The following SLC2A7 variants were observed in gnomAD, a reference collection of about 807,000 sequenced individuals.
SLC2A7 encodes the protein solute carrier family 2, facilitated glucose transporter member 7.
Under a neutral mutation model 50.5 loss-of-function variants are expected in SLC2A7, and 50 were observed. That is an observed-to-expected ratio of 0.99 (90% confidence interval 0.79 to 1.25). The LOEUF is 1.25. SLC2A7 is among the 50% of genes most tolerant of loss of function. The probability of loss-of-function intolerance (pLI) is 0.00; values close to 1 mark genes in which losing one functional copy is unlikely to be tolerated. For synonymous variants in SLC2A7, 308 were observed against 300.4 expected (o/e 1.03, Z -0.26); for missense variants, 683 against 679.1 (o/e 1.01, Z -0.06).
chr1:9,005,941 T>C (rs1157023559), intron 10 of SLC2A7, among the ~76,000 whole-genome samples: 2 of 152,180 alleles, frequency 1.3e-5, no homozygotes, highest in Admixed American at 1.3e-4. Flanking sequence ...TCCAGGGCCC[T>C]GACCCCAAAG....
Position 9,004,331 on chromosome 1 carries a change from T to TAAAAAAAAAAAAA in SLC2A7, c.1320+408_1320+420dup, listed in dbSNP as rs761127530. 3.3e-4 allele frequency among the ~76,000 whole-genome samples: 40 copies of TAAAAAAAAAAAAA among 119,844 alleles called. 2 individuals are homozygous for TAAAAAAAAAAAAA. The highest frequency in any genetic ancestry group is 1.1e-3 in the African/African-American group (34 of 30,038). 78.6% of individuals were successfully genotyped at this position (119,844 alleles called of 152,430 possible). A position where few individuals can be genotyped will look rare whatever the true frequency, so the allele number is the denominator to read the frequency against. ...CTGGGTGACAGAGCAAGGCCCTGTC[T>TAAAAAAAAAAAAA]AAAAAAAAAAAAAAAAGACTGCTTA... On this transcript the variant is annotated intron_variant, in intron 11 of 11. Coordinates refer to ENST00000400906, the MANE Select transcript of SLC2A7 (RefSeq NM_207420.3).
downstream of SLC2A7, among the ~76,000 whole-genome samples, chr1:8,999,104 T>G (rs1292540823): frequency 6.6e-6 from 1 of 152,204 alleles, no homozygotes; most frequent in Non-Finnish European, 1.5e-5. Flanking sequence ...TTTTTTAAAT[T>G]ACACATTCAA....
chr1:8,993,323 G>T, the SLC2A7 span, among the ~76,000 whole-genome samples: 2 of 152,230 alleles, frequency 1.3e-5, no homozygotes, highest in Admixed American at 1.3e-4. Flanking sequence ...AAGATGAGAT[G>T]TGGGTGGGGA....
At chr1:9,000,713 C>T (rs1019767364), downstream of SLC2A7, among the ~76,000 whole-genome samples, 6 of 151,682 alleles carry the variant, frequency 4.0e-5, no homozygotes, top group African/African-American at 1.2e-4. Context: ...GAGTGACTGA[C>T]TAGCATCTAG....
At chr1:8,995,773 A>T in the SLC2A7 span, among the ~76,000 whole-genome samples, 631 of 152,166 alleles carry the variant, frequency 4.1e-3, 6 homozygotes, top group African/African-American at 0.015. Context: ...TTAATTAATT[A>T]ATTTATTTTT....
Position 9,024,608 on chromosome 1 carries a change from C to T in SLC2A7, c.150+368G>A, listed in dbSNP as rs562636542. Among the ~76,000 whole-genome samples, 12 of 152,266 alleles carry T rather than the reference C, an allele frequency of 7.9e-5. No individual in the cohort carries two copies. The South Asian group carries it at 2.5e-3, about 32-fold the overall frequency. On this transcript the variant is annotated intron_variant, in intron 2 of 11. Transcript: ENST00000400906. ...TCTCTTTTTCCTTTTTTCCCCTTTG[C>T]CCCAATCCCTAAATGCCACAGAGTT...
At chr1:9,024,303 T>C (rs920269149) in intron 2 of SLC2A7, among the ~76,000 whole-genome samples, 1 of 152,194 alleles carries the variant, frequency 6.6e-6, no homozygotes, top group Non-Finnish European at 1.5e-5. Flanking sequence ...TGATGGTACA[T>C]TGCTTGACTC....
At chr1:9,006,742 G>T (rs1200611640) in intron 10 of SLC2A7, among the ~76,000 whole-genome samples, 3 of 152,234 alleles carry the variant, frequency 2.0e-5, no homozygotes, top group Admixed American at 2.0e-4. Context: ...ACAGTCAGGG[G>T]TGTCTTTTCC....
At chr1:8,992,538 T>C in the SLC2A7 span, among the ~76,000 whole-genome samples, 1 of 152,156 alleles carries the variant, frequency 6.6e-6, no homozygotes, top group African/African-American at 2.4e-5. Flanking sequence ...TTTCTCTTTC[T>C]TTCTTTCTTT....
downstream of SLC2A7, among the ~76,000 whole-genome samples, chr1:9,001,967 G>C (rs146595019): frequency 0.023 from 3,490 of 152,278 alleles, 156 homozygotes; most frequent in African/African-American, 0.079. Context: ...CCCTGTGCTC[G>C]CAGAAACATG....
Position 9,008,174 on chromosome 1 carries a change from G to A in SLC2A7, c.1117-789C>T, listed in dbSNP as rs1057182127. Reference sequence around the variant, plus strand: ...CGGACTTCAGCCAAACTAACCGGGTGCCCCCAGATGAACTTCCCAGGGAAC... The same window carrying A: ...CGGACTTCAGCCAAACTAACCGGGTACCCCCAGATGAACTTCCCAGGGAAC... On this transcript the variant is annotated intron_variant, in intron 9 of 11. Coordinates refer to ENST00000400906, the MANE Select transcript of SLC2A7 (RefSeq NM_207420.3). This position sits in a 1 kb window ranked among gnomAD's most constrained non-coding sequence, Gnocchi z 5.9. 1.3e-5 allele frequency among the ~76,000 whole-genome samples: 2 copies of A among 152,102 alleles called. No homozygotes were observed. Among genetic ancestry groups the A allele is most frequent in the African/African-American group, 4.8e-5 (2 of 41,412 alleles).
chr1:9,008,287 C>T lies in SLC2A7; in HGVS notation c.1117-902G>A, dbSNP rs555710054. On this transcript the variant is annotated intron_variant, in intron 9 of 11. Transcript: ENST00000400906. The surrounding 1 kb of genome is among the most constrained non-coding windows in gnomAD (Gnocchi z 5.9). The stretch of plus-strand genomic sequence containing the variant: ...GTGGGAGGGGAGGCACTGGGAGCTT[C>T]CAAGCAGAGAAGCAACAAGATCTGA... Among the ~76,000 whole-genome samples, 3 of 152,154 alleles carry T rather than the reference C, an allele frequency of 2.0e-5. No individual in the cohort carries two copies. Among genetic ancestry groups the T allele is most frequent in the East Asian group, 3.9e-4 (2 of 5,162 alleles).
At chr1:9,013,663 C>T (rs1557649562) in intron 7 of SLC2A7, 28 bp from the exon 8 acceptor site, 1 of 1,600,074 alleles carries the variant, frequency 6.2e-7, no homozygotes, top group East Asian at 2.2e-5. Flanking sequence ...GCTGTCAGGA[C>T]AGGCCGGAAG....
chr1:9,008,603 G>GTTTT lies in SLC2A7; in HGVS notation c.1117-1222_1117-1219dup, dbSNP rs34837941. 8.9e-4 allele frequency among the ~76,000 whole-genome samples: 130 copies of GTTTT among 146,002 alleles called. 3 individuals carry two copies. The highest frequency in any genetic ancestry group is 1.4e-3 in the Admixed American group (20 of 14,620). On this transcript the variant is annotated intron_variant, in intron 9 of 11. Coordinates refer to ENST00000400906, the MANE Select transcript of SLC2A7 (RefSeq NM_207420.3). This position sits in a 1 kb window ranked among gnomAD's most constrained non-coding sequence, Gnocchi z 5.9. ...AAGGTTCTGCTAAGAACTTATATTG[G>GTTTT]TTTTTTTTTTTTTTAGACAGAATCT...
chr1:8,996,308 G>A, the SLC2A7 span, among the ~76,000 whole-genome samples: 1 of 152,066 alleles, frequency 6.6e-6, no homozygotes, highest in African/African-American at 2.4e-5. Flanking sequence ...CCTTTCCCTC[G>A]GCAGAAGTGC....
At chr1:9,020,202 G>A (rs181824776) in intron 3 of SLC2A7, among the ~76,000 whole-genome samples, 2 of 152,142 alleles carry the variant, frequency 1.3e-5, no homozygotes, top group Non-Finnish European at 2.9e-5. Context: ...GCATTCTAAC[G>A]ATCGGAGCTG....
chr1:9,009,709 T>C (rs777425923), intron 9 of SLC2A7, among the ~76,000 whole-genome samples: 1 of 152,202 alleles, frequency 6.6e-6, no homozygotes, highest in Non-Finnish European at 1.5e-5. Context: ...CCTCCTGCCT[T>C]GGCCTCCCAA....
intron 5 of SLC2A7, among the ~76,000 whole-genome samples, chr1:9,015,679 G>A (rs1640819676): frequency 1.3e-5 from 2 of 151,554 alleles, no homozygotes; most frequent in Non-Finnish European, 1.5e-5. Context: ...CAGGGTCTCC[G>A]TCTGCCTCCC....
rs1355985324 is a variant in SLC2A7 at position 9,018,203 on chromosome 1, C to T, written c.589+20G>A. 3.7e-6 allele frequency: 6 copies of T among 1,614,026 alleles called. No homozygotes were observed. The South Asian group carries it at 5.5e-5, about 15-fold the overall frequency. On this transcript the variant is annotated intron_variant, in intron 5 of 11. Transcript: ENST00000400906. ...GAACGAGAGACTGGACCTAGCGTGA[C>T]CTCTGCGGCTGCCGGTTACCTGCCG...
Sources: allele counts gnomAD v4.1 joint callset (sites outside exome capture counted in the v4.1 genomes callset), GRCh38; gene constraint gnomAD v4.1.1; non-coding constraint Gnocchi (gnomAD v3.1); transcripts MANE v1.5; gene names NCBI Gene and HGNC (gene_info 2026-07-23, HGNC 2026-07-21).